BLTP2: variants seen among roughly 807,000 people sequenced by gnomAD.
The protein encoded by BLTP2 is U937-associated antigen.
chr17:28,631,443 T>G, the BLTP2 span: 1 of 1,580,262 alleles, frequency 6.3e-7, no homozygotes, highest in Non-Finnish European at 8.7e-7. Flanking sequence ...CCTACTAATA[T>G]AAATAAGGTA....
the BLTP2 span, among the ~76,000 whole-genome samples, chr17:28,620,334 C>T: frequency 6.6e-6 from 1 of 152,296 alleles, no homozygotes; most frequent in South Asian, 2.1e-4. Context: ...GAGAGATATT[C>T]AGGCCTTTCC....
At chr17:28,621,083 T>G in the BLTP2 span, 1 of 1,614,100 alleles carries the variant, frequency 6.2e-7, no homozygotes, top group Non-Finnish European at 8.5e-7. Flanking sequence ...GTCATGGCTG[T>G]AACTAATATA....
At chr17:28,621,107 T>C in the BLTP2 span, 27 of 1,614,218 alleles carry the variant, frequency 1.7e-5, no homozygotes, top group Non-Finnish European at 2.2e-5. Context: ...CATTCGGCAG[T>C]TGCAACGCGA....
At chr17:28,616,583 C>G in the BLTP2 span, 3 of 1,614,030 alleles carry the variant, frequency 1.9e-6, no homozygotes, top group Non-Finnish European at 2.5e-6. The surrounding 1 kb of genome is among the most constrained non-coding windows in gnomAD (Gnocchi z 4.8). Flanking sequence ...GGTTGCTACC[C>G]TATTCTTCTG....
At chr17:28,635,338 A>G in the BLTP2 span, 1 of 1,614,222 alleles carries the variant, frequency 6.2e-7, no homozygotes, top group African/African-American at 1.3e-5. Flanking sequence ...AGCCAGGGTA[A>G]TGAACTTGTC....
At chr17:28,616,842 T>C in the BLTP2 span, 1 of 1,605,650 alleles carries the variant, frequency 6.2e-7, no homozygotes, top group Non-Finnish European at 8.5e-7. The surrounding 1 kb of genome is among the most constrained non-coding windows in gnomAD (Gnocchi z 4.8). Context: ...CACAGGTGGC[T>C]TTTGAATGTC....
the BLTP2 span, chr17:28,615,364 T>C: frequency 1.1e-6 from 1 of 876,486 alleles, no homozygotes; most frequent in Non-Finnish European, 1.7e-6. Context: ...ATGGGGCAAT[T>C]CACATACAAT....
At chr17:28,626,055 G>A in the BLTP2 span, among the ~76,000 whole-genome samples, 1 of 152,160 alleles carries the variant, frequency 6.6e-6, no homozygotes, top group Non-Finnish European at 1.5e-5. Flanking sequence ...GAGCCACCAT[G>A]CCTGGCCCCA....
the BLTP2 span, chr17:28,634,940 C>T: frequency 1.2e-6 from 2 of 1,613,868 alleles, no homozygotes; most frequent in Non-Finnish European, 1.7e-6. Context: ...AAAACATCAT[C>T]CAAGAAAACC....
the BLTP2 span, among the ~76,000 whole-genome samples, chr17:28,629,515 G>T: frequency 6.6e-6 from 1 of 151,862 alleles, no homozygotes; most frequent in East Asian, 1.9e-4. Flanking sequence ...TCTCACTCTT[G>T]TCGTCCAGGC....
At chr17:28,616,779 C>T in the BLTP2 span, 3 of 1,613,834 alleles carry the variant, frequency 1.9e-6, no homozygotes, top group Non-Finnish European at 2.5e-6. This position sits in a 1 kb window ranked among gnomAD's most constrained non-coding sequence, Gnocchi z 4.8. Context: ...ATTCAAGAAG[C>T]AATTAAGCTC....
chr17:28,631,398 G>C, the BLTP2 span: 1 of 1,305,366 alleles, frequency 7.7e-7, no homozygotes. Context: ...CCAGTCTCTG[G>C]TATTTTGTTA....
chr17:28,625,738 T>A, the BLTP2 span, among the ~76,000 whole-genome samples: 1 of 152,180 alleles, frequency 6.6e-6, no homozygotes, highest in Non-Finnish European at 1.5e-5. Flanking sequence ...CCATTCCCAC[T>A]GCCTCTACCT....
chr17:28,636,612 T>C, the BLTP2 span, among the ~76,000 whole-genome samples: 1 of 152,200 alleles, frequency 6.6e-6, no homozygotes, highest in Admixed American at 6.5e-5. Flanking sequence ...TGAATCTTGG[T>C]ATACAAAAGC....
chr17:28,641,125 C>G, the BLTP2 span, among the ~76,000 whole-genome samples: 1 of 152,210 alleles, frequency 6.6e-6, no homozygotes, highest in Non-Finnish European at 1.5e-5. Context: ...CGCACATACT[C>G]AAGTCCAGCA....
the BLTP2 span, chr17:28,617,496 T>C: frequency 1.9e-6 from 1 of 524,756 alleles, no homozygotes; most frequent in Non-Finnish European, 3.4e-6. Context: ...TGGGCACTAT[T>C]GTCCAGGACA....
At chr17:28,638,739 C>T in the BLTP2 span, 1 of 754,518 alleles carries the variant, frequency 1.3e-6, no homozygotes, top group East Asian at 2.5e-5. Flanking sequence ...AGTGAGAATT[C>T]AGAGTTTTAT....
the BLTP2 span, among the ~76,000 whole-genome samples, chr17:28,632,605 A>G: frequency 1.3e-5 from 2 of 152,140 alleles, no homozygotes; most frequent in African/African-American, 4.8e-5. Flanking sequence ...ATATTAGGAC[A>G]CAGCAAAAAG....
the BLTP2 span, chr17:28,628,377 A>T: frequency 6.2e-7 from 1 of 1,614,140 alleles, no homozygotes; most frequent in Non-Finnish European, 8.5e-7. Flanking sequence ...GCATCTGTGG[A>T]TCAATCTTTA....
Sources: allele counts gnomAD v4.1 joint callset (sites outside exome capture counted in the v4.1 genomes callset), GRCh38; gene constraint gnomAD v4.1.1; non-coding constraint Gnocchi (gnomAD v3.1); transcripts MANE v1.5; gene names NCBI Gene and HGNC (gene_info 2026-07-23, HGNC 2026-07-21).